The following NEK3 variants were observed in gnomAD, a reference collection of about 807,000 sequenced individuals.
The protein encoded by NEK3 is NIMA related kinase 3, also known as serine/threonine-protein kinase Nek3.
A neutral mutation model predicts 66.0 loss-of-function variants in NEK3; 54 were observed. The ratio of observed to expected loss-of-function variants is 0.82; its 90% CI spans 0.66 to 1.03. NEK3 has a LOEUF of 1.03. Among genes scored for constraint, NEK3 ranks in the 50% least tolerant of loss-of-function variants. NEK3 has a pLI of 0.00. For synonymous variants in NEK3, 200 were observed against 206.2 expected, an observed-to-expected ratio of 0.97 and a Z score of 0.26; for missense variants, 593 against 603.0, an observed-to-expected ratio of 0.98 and a Z score of 0.17.
intron 2 of NEK3, 147 bp from the exon 3 acceptor site, chr13:52,154,320 G>A: frequency 5.6e-6 from 3 of 533,658 alleles, no homozygotes; most frequent in Non-Finnish European, 9.9e-6. Context: ...AATGACAAGA[G>A]AAAATGCATG....
Position 52,151,248 on chromosome 13 carries a change from G to A in NEK3, c.462-16C>T. ...TGCCATCGGACTAAAACCATAAAAA[G>A]GCAACGAATGATTACAGAACATTCC... On this transcript the variant is annotated splice_polypyrimidine_tract_variant and intron_variant, in intron 6 of 15. Coordinates refer to ENST00000610828, the MANE Select transcript of NEK3 (RefSeq NM_002498.3). 1 of 1,601,716 alleles carries A rather than the reference G, an allele frequency of 6.2e-7. No individual in the cohort carries two copies. Among genetic ancestry groups the A allele is most frequent in the South Asian group, 1.1e-5 (1 of 88,566 alleles).
chr13:52,136,437 C>T (rs997624310), intron 12 of NEK3, among the ~76,000 whole-genome samples, 178 bp from the exon 13 acceptor site: 4 of 151,254 alleles, frequency 2.6e-5, no homozygotes, highest in African/African-American at 9.7e-5. Context: ...AAAAAAAATC[C>T]AAAATGAAAA....
At chr13:52,151,715 A>G (rs1956348305) in intron 5 of NEK3, among the ~76,000 whole-genome samples, 1 of 152,344 alleles carries the variant, frequency 6.6e-6, no homozygotes, top group South Asian at 2.1e-4. Context: ...GAACACATGG[A>G]CTTAGTAAGT....
rs376840850 is a variant in NEK3 at position 52,136,174 on chromosome 13, A to G, written c.1116T>C (p.Leu372=). 1.7e-5 allele frequency: 28 copies of G among 1,613,692 alleles called. No homozygotes were observed. The highest frequency in any genetic ancestry group is 2.3e-5 in the Non-Finnish European group (27 of 1,179,718). ...QWEKNVPNTA[L]TALENASILT... ...GTATGGATGCATTTTCCAAAGCTGT[A>G]AGAGCTGTATTGGGTACATTTTTCT... Residue 372 remains leucine (L), a synonymous_variant, in exon 13 of 16, where the codon CTT becomes CTC. Transcript: ENST00000610828.
chr13:52,156,326 A>G, intron 1 of NEK3, 78 bp from the exon 2 acceptor site: 1 of 610,352 alleles, frequency 1.6e-6, no homozygotes, highest in South Asian at 1.9e-5. Context: ...AGCTCTCATA[A>G]CCATGATAAG....
chr13:52,145,216 A>G (rs1956284452), intron 8 of NEK3, among the ~76,000 whole-genome samples: 1 of 152,192 alleles, frequency 6.6e-6, no homozygotes, highest in Non-Finnish European at 1.5e-5. Flanking sequence ...TGGCCTTTTA[A>G]AACATCAACT....
chr13:52,140,312 A>G (rs1008385077), intron 11 of NEK3, among the ~76,000 whole-genome samples: 3 of 151,820 alleles, frequency 2.0e-5, no homozygotes, highest in African/African-American at 7.3e-5. Context: ...ACTATCATCA[A>G]TAATCAAAAA....
chr13:52,155,048 T>C (rs1956381848), intron 2 of NEK3, among the ~76,000 whole-genome samples: 1 of 151,918 alleles, frequency 6.6e-6, no homozygotes, highest in African/African-American at 2.4e-5. Context: ...AACTGGGAAC[T>C]TGTTAAAAAT....
chr13:52,147,213 T>C (rs1956301973), intron 8 of NEK3, among the ~76,000 whole-genome samples: 2 of 152,238 alleles, frequency 1.3e-5, no homozygotes, highest in South Asian at 2.1e-4. Context: ...CTTGCAAAGT[T>C]TGCTGTTTCC....
chr13:52,143,598 A>C (rs1456115913), intron 10 of NEK3, among the ~76,000 whole-genome samples: 1 of 152,242 alleles, frequency 6.6e-6, no homozygotes, highest in Non-Finnish European at 1.5e-5. Context: ...TTTCATGGAT[A>C]GATTCTTAGG....
At chr13:52,142,555 C>T (rs769601746) in intron 10 of NEK3, among the ~76,000 whole-genome samples, 5 of 152,204 alleles carry the variant, frequency 3.3e-5, no homozygotes, top group South Asian at 2.1e-4. Flanking sequence ...GGATTACAGG[C>T]GTAAGCCACT....
intron 11 of NEK3, among the ~76,000 whole-genome samples, chr13:52,140,428 G>GA (rs1956239100): frequency 6.6e-6 from 1 of 151,924 alleles, no homozygotes; most frequent in Non-Finnish European, 1.5e-5. Context: ...CTAAAACAGT[G>GA]AAACCCTGTC....
rs112499670 is a variant in NEK3 at position 52,151,424 on chromosome 13, C to G, written c.394-32G>C. ...TTAAAAAGAAAAGCTCAGATTATGT[C>G]TTCTATCATCAAACATGAGGCAGAT... is the stretch of plus-strand genomic sequence containing the variant. On this transcript the variant is annotated intron_variant, in intron 5 of 15. Transcript: ENST00000610828. 2.6e-6 allele frequency: 4 copies of G among 1,534,822 alleles called. No individual in the cohort carries two copies. The African/African-American group carries it at 4.1e-5, about 16-fold the overall frequency.
chr13:52,142,895 A>G (rs1956263187), intron 10 of NEK3, among the ~76,000 whole-genome samples: 1 of 152,264 alleles, frequency 6.6e-6, no homozygotes, highest in Non-Finnish European at 1.5e-5. Context: ...GAAAAAATTC[A>G]GAGATGACAA....
At chr13:52,158,593 T>C (rs1001501446) in intron 1 of NEK3, among the ~76,000 whole-genome samples, 1 of 152,210 alleles carries the variant, frequency 6.6e-6, no homozygotes, top group African/African-American at 2.4e-5. Context: ...GAAAACCACA[T>C]TTGATATTTT....
chr13:52,146,992 T>C (rs1167488050), intron 8 of NEK3, among the ~76,000 whole-genome samples: 3 of 152,196 alleles, frequency 2.0e-5, no homozygotes, highest in Non-Finnish European at 4.4e-5. Flanking sequence ...CTAATAGGAA[T>C]TGGCCCTGCA....
rs1365237513 is a variant in NEK3, at chr13:52,156,196, G to A, written c.-5C>T. ...CAGGACCATGTAGTCATCCATGCTG[G>A]GGCATCCACACAGCTGGGCTCCACT... On this transcript the variant is annotated 5_prime_UTR_variant, in exon 2 of 16. Coordinates refer to ENST00000610828, the MANE Select transcript of NEK3 (RefSeq NM_002498.3). The A allele has an allele frequency of 4.5e-6, 7 of 1,562,886 alleles. No homozygotes were observed. The highest frequency in any genetic ancestry group is 6.1e-6 in the Non-Finnish European group (7 of 1,144,410).
intron 1 of NEK3, among the ~76,000 whole-genome samples, chr13:52,158,690 G>T (rs1213624579): frequency 6.6e-6 from 1 of 152,018 alleles, no homozygotes; most frequent in Non-Finnish European, 1.5e-5. Context: ...AAAGTATATC[G>T]GCCCCTTCGC....
chr13:52,149,102 T>C (rs1237006796), intron 7 of NEK3, among the ~76,000 whole-genome samples: 2 of 151,668 alleles, frequency 1.3e-5, no homozygotes, highest in African/African-American at 4.8e-5. Flanking sequence ...GGTTTCACCG[T>C]GTTAGCCAGG....
Sources: gnomAD v4.1 joint callset for allele counts (sites outside exome capture counted in the v4.1 genomes callset) on GRCh38, gnomAD v4.1.1 for gene constraint, MANE v1.5 for transcripts, NCBI Gene and HGNC (gene_info 2026-07-23, HGNC 2026-07-21) for gene names.